The following DACH1 variants were observed in gnomAD, a reference collection of about 807,000 sequenced individuals.
DACH1 encodes the protein dachshund family transcription factor 1, also known as dachshund homolog 1.
In DACH1, 12 loss-of-function variants were observed where a neutral mutation model predicts 54.2. That is an observed-to-expected ratio of 0.22 (90% CI 0.14 to 0.36). The LOEUF is 0.36. DACH1 is among the 10% of genes least tolerant of loss of function. DACH1 has a pLI of 1.00. For synonymous variants in DACH1, 386 were observed against 366.2 expected, an observed-to-expected ratio of 1.05 and a Z score of -0.62; for missense variants, 805 against 929.8, an observed-to-expected ratio of 0.87 and a Z score of 1.75.
chr13:71,770,088 A>C (rs1292420936), intron 1 of DACH1, among the ~76,000 whole-genome samples: 2 of 151,642 alleles, frequency 1.3e-5, no homozygotes, highest in African/African-American at 4.8e-5. Flanking sequence ...ACTCCATATT[A>C]TTTATCTTCA....
At chr13:71,502,357 A>G (rs1432120819) in intron 6 of DACH1, among the ~76,000 whole-genome samples, 9 of 152,148 alleles carry the variant, frequency 5.9e-5, no homozygotes, top group African/African-American at 1.9e-4. Context: ...AATTCTAACC[A>G]TGAGTATAGT....
intron 4 of DACH1, among the ~76,000 whole-genome samples, chr13:71,567,078 A>G (rs1426437997): frequency 2.0e-5 from 3 of 152,102 alleles, no homozygotes; most frequent in Non-Finnish European, 4.4e-5. Context: ...GAGTACAATT[A>G]TAAACAGCGT....
chr13:71,820,443 A>C lies in DACH1; in HGVS notation c.848+45479T>G, dbSNP rs528281043. Among the ~76,000 whole-genome samples the C allele has an allele frequency of 7.2e-5, 11 of 152,290 alleles. No individual in the cohort carries two copies. In the East Asian group the frequency reaches 2.1e-3, roughly 29 times the overall value. On this transcript the variant is annotated intron_variant, in intron 1 of 10. Transcript: ENST00000613252. Reference sequence around the variant, plus strand: ...GCCACAGAGTCTATCTAAAGCCTTGACCAGGGCTTTGTAGAGTATGGTAGG... The same window carrying C: ...GCCACAGAGTCTATCTAAAGCCTTGCCCAGGGCTTTGTAGAGTATGGTAGG...
At chr13:71,820,682 C>A (rs1888151892) in intron 1 of DACH1, among the ~76,000 whole-genome samples, 1 of 152,022 alleles carries the variant, frequency 6.6e-6, no homozygotes, top group Non-Finnish European at 1.5e-5. Flanking sequence ...GAAGAAACAA[C>A]ATACAGTTAT....
chr13:71,798,785 T>C (rs1327410627), intron 1 of DACH1, among the ~76,000 whole-genome samples: 1 of 152,036 alleles, frequency 6.6e-6, no homozygotes, highest in Admixed American at 6.6e-5. Context: ...CTCTTCTCCT[T>C]CCCAGGCCCT....
intron 1 of DACH1, among the ~76,000 whole-genome samples, chr13:71,768,602 C>G (rs777709531): frequency 2.0e-5 from 3 of 151,880 alleles, no homozygotes; most frequent in Non-Finnish European, 2.9e-5. Context: ...CTGTGAGCTT[C>G]ATGGATGACA....
At chr13:71,821,908 A>G (rs899734961) in intron 1 of DACH1, among the ~76,000 whole-genome samples, 3 of 152,114 alleles carry the variant, frequency 2.0e-5, no homozygotes, top group Admixed American at 6.5e-5. Flanking sequence ...TAAAAATACA[A>G]AAATTATCTG....
intron 6 of DACH1, among the ~76,000 whole-genome samples, chr13:71,505,009 C>T (rs1005398538): frequency 6.6e-6 from 1 of 152,156 alleles, no homozygotes; most frequent in African/African-American, 2.4e-5. Context: ...GTACACTTAA[C>T]TCAGTTTTAA....
intron 6 of DACH1, among the ~76,000 whole-genome samples, chr13:71,519,133 C>A (rs1182665182): frequency 6.6e-6 from 1 of 151,796 alleles, no homozygotes; most frequent in Non-Finnish European, 1.5e-5. Flanking sequence ...TTGCTGGATT[C>A]TGTTCTATAC....
At chr13:71,588,705 C>A (rs187317361) in intron 3 of DACH1, among the ~76,000 whole-genome samples, 323 of 152,076 alleles carry the variant, frequency 2.1e-3, no homozygotes, top group African/African-American at 7.1e-3. Flanking sequence ...AGTGAAATTA[C>A]TGACCAATTC....
intron 1 of DACH1, among the ~76,000 whole-genome samples, chr13:71,735,563 CGTGTATATGGGATAT>C: frequency 4.3e-5 from 1 of 23,346 alleles, no homozygotes; most frequent in African/African-American, 6.9e-5. Context: ...ATGGGATATA[CGTGTATATGGGATAT>C]ACGTGTATAT....
At position 71,456,789 on chromosome 13, in the gene DACH1, C is replaced by T. The variant is rs143051000; in HGVS notation, c.2084-16097G>A. Among the ~76,000 whole-genome samples, 59 of 152,070 alleles carry T rather than the reference C, an allele frequency of 3.9e-4. No homozygotes were observed. In the East Asian group the frequency reaches 7.7e-3, roughly 20 times the overall value. The stretch of plus-strand genomic sequence containing the variant: ...TGGATAATAAACGTTGGCTGTTTCC[C>T]CGTCAGGTTTTGGTAGCATCGTGGT... On this transcript the variant is annotated intron_variant, in intron 10 of 10. Transcript: ENST00000613252.
At chr13:71,519,631 T>A (rs898373042) in intron 6 of DACH1, among the ~76,000 whole-genome samples, 5 of 151,374 alleles carry the variant, frequency 3.3e-5, no homozygotes, top group African/African-American at 1.2e-4. Flanking sequence ...AGAGCTCATG[T>A]TTTCAACCAT....
intron 1 of DACH1, among the ~76,000 whole-genome samples, chr13:71,759,020 G>C (rs995628401): frequency 6.6e-6 from 1 of 151,886 alleles, no homozygotes; most frequent in African/African-American, 2.4e-5. Context: ...AGGGAGCATG[G>C]GGAGTGTTTA....
intron 1 of DACH1, among the ~76,000 whole-genome samples, chr13:71,858,161 C>G (rs1874124851): frequency 6.6e-6 from 1 of 151,594 alleles, no homozygotes; most frequent in African/African-American, 2.4e-5. Flanking sequence ...CTGTATGTTT[C>G]CATAAAATAT....
At position 71,692,506 on chromosome 13, in the gene DACH1, C is replaced by CTTTTTTTT. The variant is rs398023338; in HGVS notation, c.849-10604_849-10597dup. Among the ~76,000 whole-genome samples, 17 of 44,438 alleles carry CTTTTTTTT rather than the reference C, an allele frequency of 3.8e-4. 1 individual carries two copies. Among genetic ancestry groups the CTTTTTTTT allele is most frequent in the African/African-American group, 1.4e-3 (12 of 8,332 alleles). 29.2% of individuals were successfully genotyped at this position (44,438 alleles called of 152,430 possible). On this transcript the variant is annotated intron_variant, in intron 1 of 10. Coordinates refer to ENST00000613252, the MANE Select transcript of DACH1 (RefSeq NM_080759.6). The stretch of plus-strand genomic sequence containing the variant: ...CCTTTCTTTTTCTTTCTTTTCTTTC[C>CTTTTTTTT]TTTTTTTTTTTTTTTTTTTTTTTTT...
intron 2 of DACH1, among the ~76,000 whole-genome samples, chr13:71,649,264 G>A (rs997064742): frequency 2.6e-5 from 4 of 152,180 alleles, no homozygotes; most frequent in Admixed American, 6.5e-5. Flanking sequence ...GTGTAAGTAC[G>A]CTCAACGATG....
chr13:71,721,564 C>G (rs1169830972), intron 1 of DACH1, among the ~76,000 whole-genome samples: 1 of 152,088 alleles, frequency 6.6e-6, no homozygotes, highest in East Asian at 1.9e-4. Flanking sequence ...AATTAACAGT[C>G]TACGTTTCAT....
At chr13:71,854,672 T>A (rs1255017221) in intron 1 of DACH1, among the ~76,000 whole-genome samples, 1 of 152,110 alleles carries the variant, frequency 6.6e-6, no homozygotes, top group Non-Finnish European at 1.5e-5. Context: ...AATAGATTAC[T>A]TTTAAGACCA....
Sources: gnomAD v4.1 joint callset for allele counts (sites outside exome capture counted in the v4.1 genomes callset) on GRCh38, gnomAD v4.1.1 for gene constraint, MANE v1.5 for transcripts, NCBI Gene and HGNC (gene_info 2026-07-23, HGNC 2026-07-21) for gene names.